The following SGCZ variants were observed in gnomAD, a reference collection of about 807,000 sequenced individuals.
SGCZ encodes zeta-sarcoglycan.
A neutral mutation model predicts 41.3 loss-of-function variants in SGCZ; 40 were observed. That is an observed-to-expected ratio of 0.97 (90% CI 0.75 to 1.26). The LOEUF is 1.26. SGCZ is among the 50% of genes most tolerant of loss of function. The pLI is 0.00. For missense variants in SGCZ, 552 were observed against 369.8 expected (o/e 1.49, Z -4.04); for synonymous variants, 206 against 137.5 (o/e 1.50, Z -3.49).
At chr8:15,030,415 T>C (rs1338991661) in intron 1 of SGCZ, among the ~76,000 whole-genome samples, 2 of 152,144 alleles carry the variant, frequency 1.3e-5, no homozygotes, top group African/African-American at 4.8e-5. Flanking sequence ...TATGTAATAA[T>C]GTTAACCTCA....
chr8:14,332,847 G>T (rs537930237), intron 2 of SGCZ, among the ~76,000 whole-genome samples: 1 of 150,426 alleles, frequency 6.6e-6, no homozygotes, highest in African/African-American at 2.4e-5. Flanking sequence ...TATAGTGTGT[G>T]TATATATATA....
intron 1 of SGCZ, among the ~76,000 whole-genome samples, chr8:15,017,156 C>T (rs1803070186): frequency 6.6e-6 from 1 of 152,156 alleles, no homozygotes; most frequent in African/African-American, 2.4e-5. Context: ...GGCTTTAAAA[C>T]TTTAGTTACT....
chr8:14,476,468 ATAATT>A (rs1801364506), intron 2 of SGCZ, among the ~76,000 whole-genome samples: 1 of 151,978 alleles, frequency 6.6e-6, no homozygotes, highest in Non-Finnish European at 1.5e-5. Flanking sequence ...ATGCATGTAT[ATAATT>A]TATTATAATA....
intron 1 of SGCZ, among the ~76,000 whole-genome samples, chr8:14,686,895 A>G (rs1289101634): frequency 1.3e-5 from 2 of 152,046 alleles, no homozygotes; most frequent in Non-Finnish European, 2.9e-5. Context: ...CGAACAAACC[A>G]TCATTAACAT....
intron 1 of SGCZ, among the ~76,000 whole-genome samples, chr8:15,000,124 C>G (rs972971322): frequency 6.6e-6 from 1 of 152,122 alleles, no homozygotes; most frequent in Non-Finnish European, 1.5e-5. Flanking sequence ...CAGGGGTACA[C>G]TGACAAAGAA....
chr8:14,544,691 A>G (rs1481624381), intron 2 of SGCZ, among the ~76,000 whole-genome samples: 1 of 152,106 alleles, frequency 6.6e-6, no homozygotes, highest in Non-Finnish European at 1.5e-5. Flanking sequence ...CCACCCTGGT[A>G]AATTTGTGCT....
chr8:14,557,237 T>G (rs1400160809), intron 1 of SGCZ, among the ~76,000 whole-genome samples: 2 of 151,880 alleles, frequency 1.3e-5, no homozygotes, highest in Admixed American at 1.3e-4. Context: ...ATCTTTTTTT[T>G]GAGAACTGTC....
chr8:14,535,437 G>T (rs1386105269), intron 2 of SGCZ, among the ~76,000 whole-genome samples: 2 of 151,720 alleles, frequency 1.3e-5, no homozygotes, highest in Admixed American at 6.6e-5. Flanking sequence ...TCTGGTAAAA[G>T]GTCACACCAT....
Position 14,378,368 on chromosome 8 carries a change from G to A in SGCZ, c.235-54164C>T, listed in dbSNP as rs1416173635. On this transcript the variant is annotated intron_variant, in intron 2 of 7. Coordinates refer to ENST00000382080, the MANE Select transcript of SGCZ (RefSeq NM_139167.4). ...CAATACCATTCAGGACATAGGCATG[G>A]GCAAGGACTTCATGTCTAAAACACC... is the stretch of plus-strand genomic sequence containing the variant. 2.6e-5 allele frequency among the ~76,000 whole-genome samples: 4 copies of A among 152,232 alleles called. No homozygotes were observed. The East Asian group carries it at 5.8e-4, about 22-fold the overall frequency.
chr8:15,058,846 C>T (rs1804811117), intron 1 of SGCZ, among the ~76,000 whole-genome samples: 1 of 151,984 alleles, frequency 6.6e-6, no homozygotes. Flanking sequence ...TTTGAACTAT[C>T]CTTAGTATAT....
rs181562431 is a variant in SGCZ at position 14,121,655 on chromosome 8, T to C, written c.548-13420A>G. On this transcript the variant is annotated intron_variant, in intron 5 of 7. Coordinates refer to ENST00000382080, the MANE Select transcript of SGCZ (RefSeq NM_139167.4). ...TTAAGTTATTGTGTAGCAAAATTTATTTTGTCAGTTCACTACACAGTGTGA... is the reference window on the plus strand; with the variant it reads ...TTAAGTTATTGTGTAGCAAAATTTACTTTGTCAGTTCACTACACAGTGTGA... 1.4e-4 allele frequency among the ~76,000 whole-genome samples: 22 copies of C among 152,268 alleles called. No homozygotes were observed. In the East Asian group the frequency reaches 4.3e-3, roughly 29 times the overall value.
At chr8:14,398,485 A>G (rs1798979735) in intron 2 of SGCZ, among the ~76,000 whole-genome samples, 1 of 152,168 alleles carries the variant, frequency 6.6e-6, no homozygotes, top group Non-Finnish European at 1.5e-5. Context: ...CAACAATTAT[A>G]GAACTTTATT....
At chr8:14,847,911 CACAA>C (rs1803190441) in intron 1 of SGCZ, among the ~76,000 whole-genome samples, 1 of 150,996 alleles carries the variant, frequency 6.6e-6, no homozygotes, top group African/African-American at 2.4e-5. Flanking sequence ...AATCAGGCAA[CACAA>C]ACAAACAGAA....
intron 3 of SGCZ, among the ~76,000 whole-genome samples, chr8:14,270,703 G>C (rs952114467): frequency 6.6e-6 from 1 of 152,014 alleles, no homozygotes; most frequent in Admixed American, 6.6e-5. Flanking sequence ...TAGGAATAGT[G>C]CCGCAATAAA....
chr8:14,581,092 G>C (rs1484039304), intron 1 of SGCZ, among the ~76,000 whole-genome samples: 1 of 152,086 alleles, frequency 6.6e-6, no homozygotes, highest in Admixed American at 6.6e-5. Flanking sequence ...TCGTACTTTG[G>C]TTACTAATTT....
At chr8:15,106,509 T>C (rs1303336230) in intron 1 of SGCZ, among the ~76,000 whole-genome samples, 1 of 152,118 alleles carries the variant, frequency 6.6e-6, no homozygotes, top group Non-Finnish European at 1.5e-5. Context: ...TCTAAATGTA[T>C]TTGGTATTGT....
chr8:15,068,193 T>C (rs1467129564), intron 1 of SGCZ, among the ~76,000 whole-genome samples: 2 of 152,228 alleles, frequency 1.3e-5, no homozygotes, highest in African/African-American at 4.8e-5. Context: ...TAACTTCTCA[T>C]TCTAACGTAC....
At chr8:14,231,398 T>C (rs951191472) in intron 4 of SGCZ, among the ~76,000 whole-genome samples, 5 of 152,000 alleles carry the variant, frequency 3.3e-5, no homozygotes, top group Non-Finnish European at 5.9e-5. Flanking sequence ...AATTTCATCA[T>C]GAGGTCATGT....
At chr8:14,453,939 C>T (rs1047661381) in intron 2 of SGCZ, among the ~76,000 whole-genome samples, 4 of 151,932 alleles carry the variant, frequency 2.6e-5, no homozygotes, top group Admixed American at 2.0e-4. Flanking sequence ...CATAAATTAC[C>T]AGAAATATTC....
Sources: gnomAD v4.1 joint callset for allele counts (sites outside exome capture counted in the v4.1 genomes callset) on GRCh38, gnomAD v4.1.1 for gene constraint, MANE v1.5 for transcripts, NCBI Gene and HGNC (gene_info 2026-07-23, HGNC 2026-07-21) for gene names.